The following DOK6 variants were observed in gnomAD, a reference collection of about 807,000 sequenced individuals.
The protein encoded by DOK6 is downstream of tyrosine kinase 6.
A neutral mutation model predicts 44.0 loss-of-function variants in DOK6; 22 were observed. The ratio of observed to expected loss-of-function variants is 0.50; its 90% CI spans 0.36 to 0.71. The LOEUF is 0.71. Among genes scored for constraint, DOK6 ranks in the 30% least tolerant of loss-of-function variants. The probability of loss-of-function intolerance (pLI) is 0.00; values close to 1 mark genes in which losing one functional copy is unlikely to be tolerated. For missense variants in DOK6, 340 were observed against 416.4 expected, an observed-to-expected ratio of 0.82 and a Z score of 1.60; for synonymous variants, 166 against 145.5, an observed-to-expected ratio of 1.14 and a Z score of -1.01.
intron 3 of DOK6, among the ~76,000 whole-genome samples, chr18:69,655,190 A>C (rs769894661): frequency 1.4e-4 from 22 of 152,230 alleles, no homozygotes; most frequent in Non-Finnish European, 2.5e-4. Context: ...CACCAGGTAC[A>C]AGACAAAAAA....
chr18:69,661,978 T>C (rs1157873853), intron 3 of DOK6: 2 of 152,156 alleles, frequency 1.3e-5, no homozygotes, highest in African/African-American at 4.8e-5. Context: ...GTTACTAACC[T>C]ATTTCTCACC....
At chr18:69,554,572 C>T (rs1982642804) in intron 1 of DOK6, among the ~76,000 whole-genome samples, 2 of 152,186 alleles carry the variant, frequency 1.3e-5, no homozygotes, top group Non-Finnish European at 2.9e-5. Flanking sequence ...ACAACTTCTG[C>T]ATTTGAGACT....
In DOK6 at chr18:69,714,406, C is replaced by T. The variant is rs187738597; in HGVS notation, c.599+15813C>T. 2.0e-5 allele frequency among the ~76,000 whole-genome samples: 3 copies of T among 152,256 alleles called. No individual in the cohort carries two copies. The East Asian group carries it at 5.8e-4, about 29-fold the overall frequency. On this transcript the variant is annotated intron_variant, in intron 5 of 7. Coordinates refer to ENST00000382713, the MANE Select transcript of DOK6 (RefSeq NM_152721.6). ...CCTCTCCTGCTTTGTCCTGGGCCTC[C>T]TGATTCTTTCTGTCGGTGTTTCTAT...
At chr18:69,692,313 A>G (rs1405784383) in intron 4 of DOK6, among the ~76,000 whole-genome samples, 3 of 152,260 alleles carry the variant, frequency 2.0e-5, no homozygotes, top group African/African-American at 7.2e-5. Flanking sequence ...TAGTGAATTA[A>G]ACACTAATCT....
At chr18:69,404,087 A>G (rs1916152170) in intron 1 of DOK6, among the ~76,000 whole-genome samples, 1 of 152,172 alleles carries the variant, frequency 6.6e-6, no homozygotes, top group Non-Finnish European at 1.5e-5. Flanking sequence ...TCTAATGGAG[A>G]AAAAAAGGCC....
chr18:69,645,353 A>G (rs542704640), intron 3 of DOK6, among the ~76,000 whole-genome samples: 15 of 152,360 alleles, frequency 9.8e-5, no homozygotes, highest in African/African-American at 3.6e-4. Context: ...TTATATAAAT[A>G]GAATCATGTG....
chr18:69,494,638 C>T (rs1366349489), intron 1 of DOK6, among the ~76,000 whole-genome samples: 2 of 152,046 alleles, frequency 1.3e-5, no homozygotes, highest in African/African-American at 2.4e-5. Flanking sequence ...TCTTCTTGAT[C>T]GTGTTGTCTT....
chr18:69,710,545 A>G (rs962068387), intron 5 of DOK6, among the ~76,000 whole-genome samples: 1 of 152,218 alleles, frequency 6.6e-6, no homozygotes, highest in African/African-American at 2.4e-5. Context: ...TTTGTGTGGT[A>G]GAGGTTCCAA....
intron 5 of DOK6, among the ~76,000 whole-genome samples, chr18:69,728,967 C>T (rs1367104580): frequency 6.6e-6 from 1 of 152,168 alleles, no homozygotes; most frequent in Admixed American, 6.5e-5. Context: ...CCCACTCATC[C>T]TACTCACCCC....
chr18:69,449,404 A>G (rs1979390124), intron 1 of DOK6, among the ~76,000 whole-genome samples: 1 of 152,236 alleles, frequency 6.6e-6, no homozygotes, highest in South Asian at 2.1e-4. Context: ...GACCAAAGAA[A>G]GAAAATAGCT....
chr18:69,401,378 G>GT, intron 1 of DOK6, 68 bp downstream of exon 1: 2 of 1,412,414 alleles, frequency 1.4e-6, no homozygotes, highest in Non-Finnish European at 1.9e-6. Context: ...CTGGGGGGGG[G>GT]GCAGGGAGAG....
At chr18:69,541,113 T>C (rs549642263) in intron 1 of DOK6, among the ~76,000 whole-genome samples, 1 of 152,342 alleles carries the variant, frequency 6.6e-6, no homozygotes, top group African/African-American at 2.4e-5. Context: ...ATTGTTCCTT[T>C]GTTTCCCCAA....
At position 69,843,194 on chromosome 18, in the gene DOK6, T is replaced by C. The variant is rs1982273454; in HGVS notation, c.*1811T>C. ...TGCAAAAAATAATTATCCTAAGCTT[T>C]CAGGGATAAAAAGAAAATTACCCAG... On this transcript the variant is annotated 3_prime_UTR_variant, in exon 8 of 8. Coordinates refer to ENST00000382713, the MANE Select transcript of DOK6 (RefSeq NM_152721.6). The C allele has an allele frequency of 6.6e-6, 1 of 152,222 alleles. No individual in the cohort carries two copies. Among genetic ancestry groups the C allele is most frequent in the African/African-American group, 2.4e-5 (1 of 41,458 alleles). The allele number at this position is 152,222 out of a possible 1,614,324, so 9.4% of individuals were successfully genotyped here. A position where few individuals can be genotyped will look rare whatever the true frequency, so the allele number is the denominator to read the frequency against.
intron 1 of DOK6, among the ~76,000 whole-genome samples, chr18:69,411,890 T>C (rs1978307824): frequency 6.6e-6 from 1 of 152,150 alleles, no homozygotes; most frequent in Non-Finnish European, 1.5e-5. Context: ...TTCATCTCTT[T>C]GCCTCTCAGA....
intron 2 of DOK6, among the ~76,000 whole-genome samples, chr18:69,577,210 A>G (rs1424944274): frequency 6.6e-6 from 1 of 152,066 alleles, no homozygotes; most frequent in African/African-American, 2.4e-5. Flanking sequence ...AAGAAAAGGC[A>G]TTGGTAAATG....
In DOK6 at chr18:69,842,822, T is replaced by C. The variant is rs946058616; in HGVS notation, c.*1439T>C. The C allele has an allele frequency of 1.3e-5, 2 of 152,172 alleles. No homozygotes were observed. The highest frequency in any genetic ancestry group is 2.9e-5 in the Non-Finnish European group (2 of 68,030). The allele number at this position is 152,172 out of a possible 1,614,324, so 9.4% of individuals were successfully genotyped here. ...ATCATCTGATGCTTTGTGCCTAAGA[T>C]GGTTATCTCTCAAATACTCTAGGGT... On this transcript the variant is annotated 3_prime_UTR_variant, in exon 8 of 8. Coordinates refer to ENST00000382713, the MANE Select transcript of DOK6 (RefSeq NM_152721.6).
At position 69,844,688 on chromosome 18, in the gene DOK6, C is replaced by T. The variant is rs1982309349; in HGVS notation, c.*3305C>T. 6.6e-6 allele frequency: 1 copy of T among 152,052 alleles called. No homozygotes were observed. 9.4% of individuals were successfully genotyped at this position (152,052 alleles called of 1,614,324 possible). A position where few individuals can be genotyped will look rare whatever the true frequency, so the allele number is the denominator to read the frequency against. ...TATGTATGAAGCAATAGGTTCTGGC[C>T]ACTGCCACAATTTGAAATCAATAAA... On this transcript the variant is annotated 3_prime_UTR_variant, in exon 8 of 8. Transcript: ENST00000382713.
At chr18:69,808,809 A>C (rs563365863) in intron 7 of DOK6, among the ~76,000 whole-genome samples, 2 of 151,978 alleles carry the variant, frequency 1.3e-5, no homozygotes, top group East Asian at 3.9e-4. Flanking sequence ...GTCTCCCATC[A>C]GTGAAAACCC....
intron 1 of DOK6, among the ~76,000 whole-genome samples, chr18:69,420,060 A>G (rs1331495250): frequency 6.6e-6 from 1 of 152,134 alleles, no homozygotes; most frequent in Non-Finnish European, 1.5e-5. Flanking sequence ...TATAACTTCA[A>G]CTAAATTTAT....
Sources: gnomAD v4.1 joint callset for allele counts (sites outside exome capture counted in the v4.1 genomes callset) on GRCh38, gnomAD v4.1.1 for gene constraint, MANE v1.5 for transcripts, NCBI Gene and HGNC (gene_info 2026-07-23, HGNC 2026-07-21) for gene names.